Variants in NAMPT observed in about 807,000 individuals in gnomAD.
NAMPT encodes the protein NAmPRTase.
NAMPT carries 7 observed loss-of-function variants against 58.7 expected under a neutral mutation model. The ratio of observed to expected loss-of-function variants is 0.12; its 90% confidence interval spans 0.07 to 0.22. The LOEUF (loss-of-function observed/expected upper bound fraction) is 0.22, where lower values mean the gene tolerates loss of function less well. Among genes scored for constraint, NAMPT ranks in the 10% least tolerant of loss-of-function variants. The pLI is 1.00. For missense variants in NAMPT, 271 were observed against 567.9 expected (o/e 0.48, Z 5.31); for synonymous variants, 145 against 198.1 (o/e 0.73, Z 2.25).
chr7:106,285,227 A>T, upstream of NAMPT: 2 of 1,035,888 alleles, frequency 1.9e-6, no homozygotes, highest in Non-Finnish European at 2.4e-6. Flanking sequence ...GGCGGGGAGG[A>T]GGACGTGATG....
intron 3 of NAMPT, among the ~76,000 whole-genome samples, chr7:106,273,521 C>A (rs565328312): frequency 1.3e-5 from 2 of 152,192 alleles, no homozygotes; most frequent in South Asian, 4.2e-4. Context: ...TCAAAAGCAG[C>A]GGGGAGACCC....
rs1792079261 is a variant in NAMPT, at chr7:106,249,967, A to C, written c.*1116T>G. The stretch of plus-strand genomic sequence containing the variant: ...CATGTCATGCTTTTCATTGGAGATA[A>C]TTTATCTTCATTTAAGAATGTGCTT... On this transcript the variant is annotated 3_prime_UTR_variant, in exon 11 of 11. Coordinates refer to ENST00000222553, the MANE Select transcript of NAMPT (RefSeq NM_005746.3). 1 of 152,052 alleles carries C rather than the reference A, an allele frequency of 6.6e-6. No individual in the cohort carries two copies. The highest frequency in any genetic ancestry group is 6.6e-5 in the Admixed American group (1 of 15,242). 9.4% of individuals were successfully genotyped at this position (152,052 alleles called of 1,614,324 possible). A position where few individuals can be genotyped will look rare whatever the true frequency, so the allele number is the denominator to read the frequency against.
chr7:106,255,985 G>A lies in NAMPT; in HGVS notation c.1090-1481C>T, dbSNP rs73420401. On this transcript the variant is annotated intron_variant, in intron 8 of 10. Transcript: ENST00000222553. ...CAGTATCATCTAATATCATATCACT[G>A]TATTTCAGGCCAAGTTTCTTTACCA... Among the ~76,000 whole-genome samples, 1,502 of 152,238 alleles carry A rather than the reference G, an allele frequency of 9.9e-3. 29 individuals carry two copies. Among genetic ancestry groups the A allele is most frequent in the African/African-American group, 0.035 (1,435 of 41,534 alleles).
chr7:106,256,568 T>C (rs187360700), intron 8 of NAMPT, among the ~76,000 whole-genome samples: 10 of 152,218 alleles, frequency 6.6e-5, no homozygotes, highest in Non-Finnish European at 1.3e-4. Flanking sequence ...AAACATACAA[T>C]GGTTCAACTT....
intron 10 of NAMPT, among the ~76,000 whole-genome samples, chr7:106,252,081 A>G (rs2115716514): frequency 6.6e-6 from 1 of 152,276 alleles, no homozygotes; most frequent in East Asian, 1.9e-4. Flanking sequence ...TCTTAAATCA[A>G]ATTGCCTAGA....
At chr7:106,282,674 T>G (rs576082359) in intron 1 of NAMPT, among the ~76,000 whole-genome samples, 4 of 152,308 alleles carry the variant, frequency 2.6e-5, no homozygotes, top group Non-Finnish European at 5.9e-5. Context: ...AAAACAAAAC[T>G]CCCATTGTCA....
At position 106,249,186 on chromosome 7, in the gene NAMPT, AT is replaced by A. The variant is rs1177855779; in HGVS notation, c.*1896del. 6.6e-6 allele frequency: 1 copy of A among 152,490 alleles called. No homozygotes were observed. The highest frequency in any genetic ancestry group is 1.5e-5 in the Non-Finnish European group (1 of 67,972). 9.4% of individuals were successfully genotyped at this position (152,490 alleles called of 1,614,324 possible). ...CTTTACTCAAATACATTAAAAAATC[AT>A]TTTAAAATTATTTTATATCATGGAT... On this transcript the variant is annotated 3_prime_UTR_variant, in exon 11 of 11. Coordinates refer to ENST00000222553, the MANE Select transcript of NAMPT (RefSeq NM_005746.3).
At chr7:106,255,025 A>G (rs894096817) in intron 8 of NAMPT, among the ~76,000 whole-genome samples, 1 of 152,170 alleles carries the variant, frequency 6.6e-6, no homozygotes, top group Admixed American at 6.5e-5. Flanking sequence ...CCTATATAAC[A>G]GTTGGTATAC....
rs370383740 is a variant in NAMPT at position 106,249,134 on chromosome 7, ATGTG to A, written c.*1945_*1948del. 6.6e-6 allele frequency: 1 copy of A among 152,404 alleles called. No individual in the cohort carries two copies. The highest frequency in any genetic ancestry group is 6.6e-5 in the Admixed American group (1 of 15,232). The allele number at this position is 152,404 out of a possible 1,614,324, so 9.4% of individuals were successfully genotyped here. On this transcript the variant is annotated 3_prime_UTR_variant, in exon 11 of 11. Coordinates refer to ENST00000222553, the MANE Select transcript of NAMPT (RefSeq NM_005746.3). ...GCCCCTTAGCACATTTTGTGAAGAA[ATGTG>A]TGTTTTTCTTAATACTACTCATCTT...
intron 1 of NAMPT, among the ~76,000 whole-genome samples, chr7:106,280,914 C>G (rs1383461341): frequency 6.6e-6 from 1 of 151,092 alleles, no homozygotes; most frequent in African/African-American, 2.4e-5. Flanking sequence ...GCACTCCAGC[C>G]TGGGCAACAG....
rs1300366597 is a variant in NAMPT, at chr7:106,284,823, T to A, written c.57+5A>T. On this transcript the variant is annotated splice_donor_5th_base_variant and intron_variant, in intron 1 of 10. Transcript: ENST00000222553. Reference sequence around the variant, plus strand: ...CTCCTCATCTGCCCGGGCCCCGAGCTTTACCTTGTAGGAGTCGGTGGCCAG... The same window carrying A: ...CTCCTCATCTGCCCGGGCCCCGAGCATTACCTTGTAGGAGTCGGTGGCCAG... The A allele has an allele frequency of 2.0e-6, 3 of 1,512,104 alleles. No homozygotes were observed. The African/African-American group carries it at 4.2e-5, about 21-fold the overall frequency. The allele number at this position is 1,512,104 out of a possible 1,614,324, so 93.7% of individuals were successfully genotyped here.
In NAMPT at chr7:106,284,965, C is replaced by G; in HGVS notation, c.-81G>C. On this transcript the variant is annotated 5_prime_UTR_variant, in exon 1 of 11. Transcript: ENST00000222553. ...AAGGAGAAAAATGAGCTTCACCGCG[C>G]TCCGTTGCTTAAGTCACTGCTCGGT... The G allele has an allele frequency of 1.3e-6, 2 of 1,534,702 alleles. No homozygotes were observed. Among genetic ancestry groups the G allele is most frequent in the South Asian group, 1.2e-5 (1 of 83,136 alleles).
chr7:106,285,208 C>CT, upstream of NAMPT: 2 of 989,292 alleles, frequency 2.0e-6, no homozygotes, highest in Non-Finnish European at 2.3e-6. Context: ...GCGCAGTGCG[C>CT]GGAGGCGGGG....
In NAMPT at chr7:106,250,893, T is replaced by C. The variant is rs559520645; in HGVS notation, c.*190A>G. ...TAAAAAGCTTACTTTAGCACTCATCTTTTACATGGTTAAATGCATTTCCTA... is the reference window on the plus strand; with the variant it reads ...TAAAAAGCTTACTTTAGCACTCATCCTTTACATGGTTAAATGCATTTCCTA... On this transcript the variant is annotated 3_prime_UTR_variant, in exon 11 of 11. Transcript: ENST00000222553. 1.4e-4 allele frequency: 80 copies of C among 580,218 alleles called. No individual in the cohort carries two copies. Among genetic ancestry groups the C allele is most frequent in the South Asian group, 1.3e-3 (60 of 46,076 alleles). 35.9% of individuals were successfully genotyped at this position (580,218 alleles called of 1,614,324 possible).
chr7:106,267,561 G>A (rs1056016024), intron 6 of NAMPT, among the ~76,000 whole-genome samples: 11 of 151,918 alleles, frequency 7.2e-5, no homozygotes, highest in African/African-American at 1.7e-4. Context: ...CCTGATTTAC[G>A]CCGGGCGCGG....
intron 3 of NAMPT, among the ~76,000 whole-genome samples, chr7:106,272,926 A>C (rs1792564156): frequency 6.6e-6 from 1 of 152,084 alleles, no homozygotes; most frequent in Non-Finnish European, 1.5e-5. Flanking sequence ...AGTGGCAGAA[A>C]ATTCCAAACT....
At chr7:106,271,314 T>G (rs1792528937) in intron 4 of NAMPT, among the ~76,000 whole-genome samples, 1 of 152,200 alleles carries the variant, frequency 6.6e-6, no homozygotes, top group African/African-American at 2.4e-5. Flanking sequence ...TTCTCCTTAT[T>G]AAAAGCTTAT....
intron 6 of NAMPT, 47 bp downstream of exon 6, chr7:106,268,417 A>C: frequency 6.4e-7 from 1 of 1,573,372 alleles, no homozygotes. Flanking sequence ...TTACAAATAC[A>C]AGAGTGAAAA....
At chr7:106,274,914 A>G (rs2115809270) in intron 3 of NAMPT, 32 bp downstream of exon 3, 1 of 1,455,250 alleles carries the variant, frequency 6.9e-7, no homozygotes, top group Non-Finnish European at 9.5e-7. Flanking sequence ...AAGAAAAACC[A>G]AAACAGATCA....
Sources: allele counts gnomAD v4.1 joint callset (sites outside exome capture counted in the v4.1 genomes callset), GRCh38; gene constraint gnomAD v4.1.1; transcripts MANE v1.5; gene names NCBI Gene and HGNC (gene_info 2026-07-23, HGNC 2026-07-21).